The following SLCO3A1 variants were observed in gnomAD, a reference collection of about 807,000 sequenced individuals.
SLCO3A1 encodes solute carrier organic anion transporter family member 3A1, also known as PGE1 transporter.
A neutral mutation model predicts 63.1 loss-of-function variants in SLCO3A1; 27 were observed. That is an observed-to-expected ratio of 0.43 (90% CI 0.32 to 0.59). The LOEUF is 0.59. SLCO3A1 is among the 20% of genes least tolerant of loss of function. SLCO3A1 has a pLI of 0.09. For synonymous variants in SLCO3A1, 473 were observed against 409.9 expected (o/e 1.15, Z -1.86); for missense variants, 773 against 945.8 (o/e 0.82, Z 2.40).
rs529418506 is a variant in SLCO3A1, at chr15:92,164,216, T to C, written c.*1081T>C. The stretch of plus-strand genomic sequence containing the variant: ...CTCCTTTTTTAATGCACCAAAAATA[T>C]GTGATACAAGGGATGCAATTAACCT... On this transcript the variant is annotated 3_prime_UTR_variant, in exon 10 of 10. Coordinates refer to ENST00000318445, the MANE Select transcript of SLCO3A1 (RefSeq NM_013272.4). 1.7e-5 allele frequency: 17 copies of C among 985,264 alleles called. No individual in the cohort carries two copies. The African/African-American group carries it at 2.8e-4, about 16-fold the overall frequency. The allele number at this position is 985,264 out of a possible 1,614,324, so 61.0% of individuals were successfully genotyped here.
At position 91,941,573 on chromosome 15, in the gene SLCO3A1, C is replaced by G. The variant is rs4932519; in HGVS notation, c.646+25115C>G. 2.2e-6 allele frequency: 1 copy of G among 455,984 alleles called. No individual in the cohort carries two copies. Among genetic ancestry groups the G allele is most frequent in the Non-Finnish European group, 4.4e-6 (1 of 226,760 alleles). 28.2% of individuals were successfully genotyped at this position (455,984 alleles called of 1,614,324 possible). Reference sequence around the variant, plus strand: ...TTAGATGAACCAGAGGTTTATTTCACTCAGTAAGTAATCTTTTCTCTTCCT... The same window carrying G: ...TTAGATGAACCAGAGGTTTATTTCAGTCAGTAAGTAATCTTTTCTCTTCCT... On this transcript the variant is annotated intron_variant, in intron 2 of 9. Coordinates refer to ENST00000318445, the MANE Select transcript of SLCO3A1 (RefSeq NM_013272.4). This position sits in a 1 kb window ranked among gnomAD's most constrained non-coding sequence, Gnocchi z 4.4.
chr15:91,895,252 G>C (rs995538559), intron 1 of SLCO3A1, among the ~76,000 whole-genome samples: 1 of 152,210 alleles, frequency 6.6e-6, no homozygotes, highest in Non-Finnish European at 1.5e-5. Context: ...GGAGAAATGA[G>C]ACTTTATCAC....
chr15:92,005,460 A>G (rs747911478), intron 2 of SLCO3A1, among the ~76,000 whole-genome samples: 1 of 152,208 alleles, frequency 6.6e-6, no homozygotes, highest in African/African-American at 2.4e-5. Context: ...AGTTGGACTC[A>G]TGCTGGGTCT....
chr15:92,061,743 G>A (rs955231907), intron 2 of SLCO3A1, among the ~76,000 whole-genome samples: 11 of 152,150 alleles, frequency 7.2e-5, no homozygotes, highest in Non-Finnish European at 1.3e-4. Context: ...AGCAAAACAG[G>A]CCAGAAGGAC....
Position 91,912,561 on chromosome 15 carries a change from A to T in SLCO3A1, c.181-3432A>T, listed in dbSNP as rs138423967. Among the ~76,000 whole-genome samples the T allele has an allele frequency of 2.6e-5, 4 of 152,178 alleles. No homozygotes were observed. Among genetic ancestry groups the T allele is most frequent in the African/African-American group, 9.7e-5 (4 of 41,428 alleles). ...TCCCAATCACCCTTATCTGTCATCAATGTGCACACCTGCATGATATTTTAT... is the reference window on the plus strand; with the variant it reads ...TCCCAATCACCCTTATCTGTCATCATTGTGCACACCTGCATGATATTTTAT... On this transcript the variant is annotated intron_variant, in intron 1 of 9. Coordinates refer to ENST00000318445, the MANE Select transcript of SLCO3A1 (RefSeq NM_013272.4). This position sits in a 1 kb window ranked among gnomAD's most constrained non-coding sequence, Gnocchi z 5.0.
intron 2 of SLCO3A1, among the ~76,000 whole-genome samples, chr15:92,091,804 C>A (rs374017049): frequency 1.3e-5 from 2 of 152,198 alleles, no homozygotes; most frequent in Admixed American, 1.3e-4. Flanking sequence ...TGGTGTTTGG[C>A]GTGGGGTCCT....
chr15:92,070,691 G>A lies in SLCO3A1; in HGVS notation c.647-24190G>A, dbSNP rs553178865. ...CAGAGTTATGGAGGAAATGATATTC[G>A]GGATTTGCTTTAACATAAGGATGGA... On this transcript the variant is annotated intron_variant, in intron 2 of 9. Coordinates refer to ENST00000318445, the MANE Select transcript of SLCO3A1 (RefSeq NM_013272.4). Among the ~76,000 whole-genome samples the A allele has an allele frequency of 1.3e-3, 191 of 151,388 alleles. 1 individual carries two copies. Among genetic ancestry groups the A allele is most frequent in the African/African-American group, 4.5e-3 (184 of 41,190 alleles).
At chr15:92,004,095 T>A (rs2046286489) in intron 2 of SLCO3A1, among the ~76,000 whole-genome samples, 1 of 152,216 alleles carries the variant, frequency 6.6e-6, no homozygotes, top group African/African-American at 2.4e-5. Flanking sequence ...CACCCAGACC[T>A]TCTGGGAGAG....
intron 2 of SLCO3A1, among the ~76,000 whole-genome samples, chr15:92,065,746 A>G (rs1446470077): frequency 1.3e-5 from 2 of 152,134 alleles, no homozygotes; most frequent in East Asian, 3.9e-4. Context: ...TAATTTATAT[A>G]CCATAAAATT....
At chr15:92,057,496 C>T (rs1353710546) in intron 2 of SLCO3A1, among the ~76,000 whole-genome samples, 2 of 152,140 alleles carry the variant, frequency 1.3e-5, no homozygotes, top group Non-Finnish European at 2.9e-5. Flanking sequence ...GGAGAGGGTC[C>T]CAGGGACTGA....
intron 2 of SLCO3A1, among the ~76,000 whole-genome samples, chr15:91,964,137 A>G (rs1293885581): frequency 6.6e-6 from 1 of 152,140 alleles, no homozygotes. Flanking sequence ...TGGGGAACCT[A>G]CTTGTTTTCA....
chr15:92,055,391 T>C (rs993623648), intron 2 of SLCO3A1, among the ~76,000 whole-genome samples: 1 of 152,218 alleles, frequency 6.6e-6, no homozygotes, highest in Non-Finnish European at 1.5e-5. Flanking sequence ...TCCCGTTCAG[T>C]GTGTTGTCTG....
intron 2 of SLCO3A1, among the ~76,000 whole-genome samples, chr15:91,960,880 A>G (rs1201945016): frequency 6.6e-6 from 1 of 152,146 alleles, no homozygotes; most frequent in African/African-American, 2.4e-5. Flanking sequence ...ATTTCCTTTG[A>G]GTGTCATGTC....
At chr15:92,037,025 T>C (rs1206157542) in intron 2 of SLCO3A1, among the ~76,000 whole-genome samples, 1 of 152,172 alleles carries the variant, frequency 6.6e-6, no homozygotes, top group Non-Finnish European at 1.5e-5. Flanking sequence ...TTTTGAGTGC[T>C]GAGTATACAG....
rs1900709850 is a variant in SLCO3A1, at chr15:91,967,701, C to T, written c.646+51243C>T. 6.6e-6 allele frequency among the ~76,000 whole-genome samples: 1 copy of T among 152,200 alleles called. No individual in the cohort carries two copies. The highest frequency in any genetic ancestry group is 2.1e-4 in the South Asian group (1 of 4,836). ...CAGACCTTGTTATCTCTCCTGTTTT[C>T]CTGGATCATATTGTCTCTCAAATAT... On this transcript the variant is annotated intron_variant, in intron 2 of 9. Coordinates refer to ENST00000318445, the MANE Select transcript of SLCO3A1 (RefSeq NM_013272.4). This position sits in a 1 kb window ranked among gnomAD's most constrained non-coding sequence, Gnocchi z 4.4.
At chr15:91,973,100 C>T (rs1900944383) in intron 2 of SLCO3A1, among the ~76,000 whole-genome samples, 1 of 152,178 alleles carries the variant, frequency 6.6e-6, no homozygotes, top group Admixed American at 6.5e-5. Context: ...GGCAACAGAG[C>T]AAGACTCCGT....
At chr15:92,016,204 T>TATAGATAGATAGATAGATAG (rs1039964856) in intron 2 of SLCO3A1, among the ~76,000 whole-genome samples, 194 of 120,196 alleles carry the variant, frequency 1.6e-3, no homozygotes, top group Non-Finnish European at 2.6e-3. Context: ...TATATATTTA[T>TATAGATAGATAGATAGATAG]ATAGATAGAT....
intron 2 of SLCO3A1, among the ~76,000 whole-genome samples, chr15:92,016,143 T>C (rs1173172115): frequency 6.6e-6 from 1 of 151,666 alleles, no homozygotes; most frequent in Non-Finnish European, 1.5e-5. Context: ...AGCCCAAAGA[T>C]GTAAGGCTGG....
At chr15:92,101,938 A>G (rs994775475) in intron 3 of SLCO3A1, among the ~76,000 whole-genome samples, 13 of 152,144 alleles carry the variant, frequency 8.5e-5, no homozygotes, top group African/African-American at 2.9e-4. Context: ...ACACGTTCAC[A>G]CAAACCACCA....
Sources: allele counts gnomAD v4.1 joint callset (sites outside exome capture counted in the v4.1 genomes callset), GRCh38; gene constraint gnomAD v4.1.1; non-coding constraint Gnocchi (gnomAD v3.1); transcripts MANE v1.5; gene names NCBI Gene and HGNC (gene_info 2026-07-23, HGNC 2026-07-21).